Variants in CAMK4 observed in about 807,000 individuals in gnomAD.
The protein encoded by CAMK4 is calcium/calmodulin dependent protein kinase IV.
In CAMK4, 22 loss-of-function variants were observed where a neutral mutation model predicts 44.9. The ratio of observed to expected loss-of-function variants is 0.49; its 90% CI spans 0.35 to 0.70. The LOEUF (loss-of-function observed/expected upper bound fraction) is 0.70. Ranked by LOEUF, CAMK4 falls within the 30% of genes least tolerant of loss-of-function variation. The pLI is 0.01. For synonymous variants in CAMK4, 218 were observed against 215.4 expected (o/e 1.01, Z -0.11); for missense variants, 498 against 586.8 (o/e 0.85, Z 1.56).
At chr5:111,479,125 C>T (rs1755344955) in intron 9 of CAMK4, among the ~76,000 whole-genome samples, 1 of 152,214 alleles carries the variant, frequency 6.6e-6, no homozygotes. Flanking sequence ...GCGATCCTCC[C>T]ACTGTGGCCT....
At chr5:111,281,182 G>T (rs533388293) in intron 1 of CAMK4, among the ~76,000 whole-genome samples, 10 of 152,310 alleles carry the variant, frequency 6.6e-5, no homozygotes, top group African/African-American at 1.9e-4. Context: ...GTGGCTTCCA[G>T]ACTCGTGGAT....
intron 7 of CAMK4, among the ~76,000 whole-genome samples, chr5:111,469,102 C>T (rs1554074367): frequency 7.7e-6 from 1 of 129,368 alleles, no homozygotes; most frequent in Non-Finnish European, 1.5e-5. Context: ...AGAGATCGTG[C>T]CATTGGGCTC....
At chr5:111,473,266 TA>T (rs746818554) in intron 7 of CAMK4, 44 bp from the exon 8 acceptor site, 3 of 1,196,132 alleles carry the variant, frequency 2.5e-6, no homozygotes, top group Middle Eastern at 3.8e-4. Flanking sequence ...AAAATATAAA[TA>T]TTGACTAAGC....
intron 1 of CAMK4, among the ~76,000 whole-genome samples, chr5:111,227,723 A>G (rs1412622052): frequency 6.6e-6 from 1 of 152,236 alleles, no homozygotes; most frequent in African/African-American, 2.4e-5. Flanking sequence ...TTCTTTTGGC[A>G]GGGAGGGCAT....
At chr5:111,437,241 A>G (rs957480682) in intron 5 of CAMK4, among the ~76,000 whole-genome samples, 2 of 152,236 alleles carry the variant, frequency 1.3e-5, no homozygotes, top group African/African-American at 4.8e-5. Context: ...CGATGTAAGC[A>G]CAGCATTTTC....
intron 7 of CAMK4, among the ~76,000 whole-genome samples, chr5:111,469,505 G>T (rs886440716): frequency 3.3e-5 from 5 of 152,102 alleles, no homozygotes; most frequent in African/African-American, 7.2e-5. Context: ...GCCATGTCAG[G>T]TATGAAACTC....
At chr5:111,287,577 G>A (rs1231592929) in intron 1 of CAMK4, among the ~76,000 whole-genome samples, 1 of 152,050 alleles carries the variant, frequency 6.6e-6, no homozygotes, top group East Asian at 1.9e-4. Flanking sequence ...TAGTCATATT[G>A]TTTTGACTTT....
At chr5:111,309,143 C>T (rs150449650) in intron 1 of CAMK4, among the ~76,000 whole-genome samples, 182 of 152,300 alleles carry the variant, frequency 1.2e-3, no homozygotes, top group Middle Eastern at 3.4e-3. Context: ...TGCTAGCTGA[C>T]GGTCCAGGGC....
At chr5:111,276,141 C>G (rs1191460449) in intron 1 of CAMK4, among the ~76,000 whole-genome samples, 1 of 152,196 alleles carries the variant, frequency 6.6e-6, no homozygotes, top group Non-Finnish European at 1.5e-5. Context: ...TTATAATTTA[C>G]TGAAGCATTC....
rs556242040 is a variant in CAMK4 at position 111,317,562 on chromosome 5, G to T, written c.162-26462G>T. Among the ~76,000 whole-genome samples the T allele has an allele frequency of 2.0e-5, 3 of 152,228 alleles. No homozygotes were observed. The South Asian group carries it at 6.2e-4, about 32-fold the overall frequency. On this transcript the variant is annotated intron_variant, in intron 1 of 10. Coordinates refer to ENST00000282356, the MANE Select transcript of CAMK4 (RefSeq NM_001744.6). ...AAACTTCTATTTTTAACATGTTTCA[G>T]ACCCTACAAAGAGTTTGAACTTACA...
At chr5:111,394,200 A>G (rs1751913166) in intron 4 of CAMK4, among the ~76,000 whole-genome samples, 1 of 152,206 alleles carries the variant, frequency 6.6e-6, no homozygotes, top group South Asian at 2.1e-4. Flanking sequence ...AATTAATTAT[A>G]GGTATGATAT....
intron 5 of CAMK4, among the ~76,000 whole-genome samples, chr5:111,420,249 T>C (rs1299882052): frequency 3.3e-5 from 5 of 152,188 alleles, no homozygotes; most frequent in African/African-American, 1.2e-4. Context: ...CTGTCTGTTA[T>C]TGGTGTATAA....
chr5:111,493,556 A>AAAG lies in CAMK4; in HGVS notation c.*9091_*9093dup, dbSNP rs1280844287. ...AGGATTTCTGATTGAATTCTACCTG[A>AAAG]AAGTTTAGATTTTAAAAGACAACCT... On this transcript the variant is annotated 3_prime_UTR_variant, in exon 11 of 11. Coordinates refer to ENST00000282356, the MANE Select transcript of CAMK4 (RefSeq NM_001744.6). This position sits in a 1 kb window ranked among gnomAD's most constrained non-coding sequence, Gnocchi z 4.1. 6.6e-6 allele frequency: 1 copy of AAAG among 152,164 alleles called. No homozygotes were observed. Among genetic ancestry groups the AAAG allele is most frequent in the Non-Finnish European group, 1.5e-5 (1 of 68,024 alleles). The allele number at this position is 152,164 out of a possible 1,614,324, so 9.4% of individuals were successfully genotyped here.
chr5:111,342,019 GAT>G (rs1749668418), intron 1 of CAMK4, among the ~76,000 whole-genome samples: 1 of 151,306 alleles, frequency 6.6e-6, no homozygotes, highest in South Asian at 2.1e-4. Flanking sequence ...CCGCTCTCTC[GAT>G]TACTGTAGCT....
At chr5:111,273,806 G>A (rs1256588837) in intron 1 of CAMK4, among the ~76,000 whole-genome samples, 2 of 145,226 alleles carry the variant, frequency 1.4e-5, no homozygotes, top group Non-Finnish European at 3.0e-5. Context: ...TATACACATA[G>A]AACATTTTAT....
At chr5:111,474,219 G>C (rs1755160042) in intron 8 of CAMK4, among the ~76,000 whole-genome samples, 1 of 152,190 alleles carries the variant, frequency 6.6e-6, no homozygotes, top group Admixed American at 6.5e-5. Context: ...AAATTTTGAA[G>C]GGTTTGAAAG....
chr5:111,258,770 TG>T, intron 1 of CAMK4, among the ~76,000 whole-genome samples: 1 of 151,864 alleles, frequency 6.6e-6, no homozygotes, highest in African/African-American at 2.4e-5. Flanking sequence ...TGTGTGTGTG[TG>T]TGTGTGTGTG....
chr5:111,387,683 G>A (rs306108), intron 4 of CAMK4, among the ~76,000 whole-genome samples: 133,827 of 152,170 alleles, frequency 0.88, 59,068 homozygotes, highest in East Asian at 1. Flanking sequence ...TTTTTCTGAC[G>A]TCCATTCACT....
At chr5:111,348,410 T>G (rs6872285) in intron 2 of CAMK4, among the ~76,000 whole-genome samples, 17,541 of 151,952 alleles carry the variant, frequency 0.12, 1,734 homozygotes, top group African/African-American at 0.26. Flanking sequence ...ATACAGTGAA[T>G]TGTCATGTTT....
Sources: gnomAD v4.1 joint callset for allele counts (sites outside exome capture counted in the v4.1 genomes callset) on GRCh38, gnomAD v4.1.1 for gene constraint, Gnocchi (gnomAD v3.1) non-coding constraint, MANE v1.5 for transcripts, NCBI Gene and HGNC (gene_info 2026-07-23, HGNC 2026-07-21) for gene names.